The following EIF2B5 variants were observed in gnomAD, a reference collection of about 807,000 sequenced individuals.
EIF2B5 encodes eukaryotic translation initiation factor 2B subunit epsilon, also known as translation initiation factor eIF2B subunit epsilon.
In EIF2B5, 38 loss-of-function variants were observed where a neutral mutation model predicts 87.3. The observed-to-expected ratio is 0.44, with a 90% CI of 0.34 to 0.57. The LOEUF (loss-of-function observed/expected upper bound fraction) is 0.57. Ranked by LOEUF, EIF2B5 falls within the 20% of genes least tolerant of loss-of-function variation. The pLI, the probability that EIF2B5 is intolerant of heterozygous loss-of-function variation, is 0.02. For synonymous variants in EIF2B5, 313 were observed against 339.6 expected (o/e 0.92, Z 0.86); for missense variants, 784 against 909.5 (o/e 0.86, Z 1.78).
intron 1 of EIF2B5, 70 bp downstream of exon 1, chr3:184,135,650 G>T: frequency 6.5e-7 from 1 of 1,540,384 alleles, no homozygotes; most frequent in Non-Finnish European, 8.8e-7. Flanking sequence ...TCTCATTTCG[G>T]CTAACTACAA....
rs780144043 is a variant in EIF2B5 at position 184,142,577 on chromosome 3, A to G, written c.1520A>G (p.Glu507Gly). ...WKAAGMNMEEEEELQQNLWGL... is the reference protein window; with the variant it reads ...WKAAGMNMEEGEELQQNLWGL... ...GCTGCAGGCATGAACATGGAGGAAG[A>G]GGAGGAACTGCAGCAGAATCTGTGG... The change falls in exon 10 of 16, where the codon GAG becomes GGG. Residue 507 changes from glutamate to glycine, a missense_variant. Physicochemically the swap from Glu to Gly is moderately conservative, Grantham distance 98. This residue lies in a region of EIF2B5 where 660 missense variants were observed against 789.5 expected (regional missense o/e 0.84). Transcript: ENST00000648915. The surrounding 1 kb of genome is among the most constrained non-coding windows in gnomAD (Gnocchi z 5.0). The G allele has an allele frequency of 6.2e-7, 1 of 1,614,124 alleles. No individual in the cohort carries two copies.
intron 2 of EIF2B5, 47 bp downstream of exon 2, chr3:184,136,783 G>T (rs1463527153): frequency 6.2e-7 from 1 of 1,613,500 alleles, no homozygotes; most frequent in Non-Finnish European, 8.5e-7. Flanking sequence ...TCTTTTTCCA[G>T]TTTTTTCAGG....
At chr3:184,135,679 C>A (rs1028894458) in intron 1 of EIF2B5, 99 bp downstream of exon 1, 2 of 1,465,272 alleles carry the variant, frequency 1.4e-6, no homozygotes, top group Non-Finnish European at 9.3e-7. Flanking sequence ...CCTTGAAGGA[C>A]CTGCGTCTAT....
At position 184,142,256 on chromosome 3, in the gene EIF2B5, T is replaced by C. The variant is rs1333887156; in HGVS notation, c.1322T>C (p.Ile441Thr). The C allele has an allele frequency of 6.2e-7, 1 of 1,614,078 alleles. No homozygotes were observed. The highest frequency in any genetic ancestry group is 8.5e-7 in the Non-Finnish European group (1 of 1,180,012). Residue 441 changes from isoleucine to threonine, a missense_variant, in exon 9 of 16, where the codon ATC becomes ACC. Transcript: ENST00000648915. The surrounding 1 kb of genome is among the most constrained non-coding windows in gnomAD (Gnocchi z 5.0). Reference sequence around the variant, plus strand: ...CCTTAGGTGGTCGTGGGCCCAAATATCACGCTGCCTGAGGGCTCGGTGATC... The same window carrying C: ...CCTTAGGTGGTCGTGGGCCCAAATACCACGCTGCCTGAGGGCTCGGTGATC... ...LTSQVVVGPN[I>T]TLPEGSVISL...
intron 13 of EIF2B5, 186 bp from the exon 14 acceptor site, chr3:184,143,913 C>A: frequency 1.1e-6 from 1 of 929,616 alleles, no homozygotes; most frequent in Non-Finnish European, 1.7e-6. Flanking sequence ...GATCCCCTTT[C>A]ACCTTCCCTA....
intron 1 of EIF2B5, among the ~76,000 whole-genome samples, chr3:184,136,200 A>G (rs1162717911): frequency 6.6e-6 from 1 of 152,220 alleles, no homozygotes; most frequent in African/African-American, 2.4e-5. Flanking sequence ...AAAAAGCCTA[A>G]TGGCTGTTCA....
chr3:184,144,749 T>C lies in EIF2B5; in HGVS notation c.2106+42T>C, dbSNP rs1490942201. Reference sequence around the variant, plus strand: ...TCCTCTCGCCAAGATGGTTATCTCATTCCCAGGTCCTGGCCCCTAGACTCT... The same window carrying C: ...TCCTCTCGCCAAGATGGTTATCTCACTCCCAGGTCCTGGCCCCTAGACTCT... On this transcript the variant is annotated intron_variant, in intron 15 of 15. Transcript: ENST00000648915. 3 of 1,592,878 alleles carry C rather than the reference T, an allele frequency of 1.9e-6. No individual in the cohort carries two copies. In the African/African-American group the frequency reaches 4.0e-5, roughly 21 times the overall value.
Position 184,136,478 on chromosome 3 carries a change from T to A in EIF2B5, c.196-134T>A, listed in dbSNP as rs1036747871. ...GGCATGAACATCAAAGGCAGGAACC[T>A]GTTTATCTTTGAATTGGAAAGATAC... On this transcript the variant is annotated intron_variant, in intron 1 of 15. Coordinates refer to ENST00000648915, the MANE Select transcript of EIF2B5 (RefSeq NM_003907.3). The A allele has an allele frequency of 3.0e-5, 36 of 1,193,184 alleles. No individual in the cohort carries two copies. The African/African-American group carries it at 5.4e-4, about 18-fold the overall frequency. The allele number at this position is 1,193,184 out of a possible 1,614,324, so 73.9% of individuals were successfully genotyped here.
At position 184,140,332 on chromosome 3, in the gene EIF2B5, G is replaced by A. The variant is rs1713570159; in HGVS notation, c.844-86G>A. ...CTTTGTGGCAGTGAGAGGCAGAGGG[G>A]AACTTAAAAGGATTAGAAAAGTTGT... On this transcript the variant is annotated intron_variant, in intron 6 of 15. Coordinates refer to ENST00000648915, the MANE Select transcript of EIF2B5 (RefSeq NM_003907.3). 3 of 1,499,050 alleles carry A rather than the reference G, an allele frequency of 2.0e-6. No individual in the cohort carries two copies. The South Asian group carries it at 3.4e-5, about 17-fold the overall frequency. The allele number at this position is 1,499,050 out of a possible 1,614,324, so 92.9% of individuals were successfully genotyped here.
chr3:184,144,798 T>C (rs2109012344), intron 15 of EIF2B5, 86 bp from the exon 16 acceptor site: 1 of 1,583,286 alleles, frequency 6.3e-7, no homozygotes. Context: ...TCTGGGGCTC[T>C]GGTTGTTAGA....
chr3:184,135,567 A>G lies in EIF2B5; in HGVS notation c.182A>G (p.Lys61Arg), dbSNP rs550470093. 90 of 1,589,320 alleles carry G rather than the reference A, an allele frequency of 5.7e-5. No homozygotes were observed. In the East Asian group the frequency reaches 2.0e-3, roughly 36 times the overall value. Reference sequence around the variant, plus strand: ...GATCGCCGCTTCTTCCCCATCTCCAAGGACCAGCCTCGGGTGAGCGCCGCG... The same window carrying G: ...GATCGCCGCTTCTTCCCCATCTCCAGGGACCAGCCTCGGGTGAGCGCCGCG... ...SFDRRFFPISKDQPRVLLPLA... is the reference protein window; with the variant it reads ...SFDRRFFPISRDQPRVLLPLA... Residue 61 changes from lysine (K) to arginine (R), a missense_variant, in exon 1 of 16, where the codon AAG becomes AGG. Physicochemically the swap from Lys to Arg is conservative, Grantham distance 26. Coordinates refer to ENST00000648915, the MANE Select transcript of EIF2B5 (RefSeq NM_003907.3).
In EIF2B5 at chr3:184,143,122, C is replaced by T. The variant is rs1184835531; in HGVS notation, c.1725C>T (p.Val575=). 1.9e-6 allele frequency: 3 copies of T among 1,613,686 alleles called. No individual in the cohort carries two copies. The South Asian group carries it at 3.3e-5, about 18-fold the overall frequency. The change falls in exon 12 of 16, where the codon GTC becomes GTT. Residue 575 remains valine, a synonymous_variant. Coordinates refer to ENST00000648915, the MANE Select transcript of EIF2B5 (RefSeq NM_003907.3). ...AGAACATTTCTTGTGACAATCTCGT[C>T]CTGGAAATCAACTCTCTCAAGTAAG... ...KEENISCDNL[V]LEINSLKYAY...
At chr3:184,137,038 A>G (rs1245025064) in intron 2 of EIF2B5, 1 of 405,392 alleles carries the variant, frequency 2.5e-6, no homozygotes, top group African/African-American at 2.0e-5. Context: ...AGTTACAATG[A>G]TAACATCTTT....
At chr3:184,141,852 C>G in intron 7 of EIF2B5, 73 bp from the exon 8 acceptor site, 5 of 1,601,456 alleles carry the variant, frequency 3.1e-6, no homozygotes, top group Non-Finnish European at 4.3e-6. Flanking sequence ...TCAGTCAGCC[C>G]TGTCCTCTAT....
At position 184,144,093 on chromosome 3, in the gene EIF2B5, C is replaced by A. The variant is rs985811097; in HGVS notation, c.1870-6C>A. 6.2e-7 allele frequency: 1 copy of A among 1,614,228 alleles called. No homozygotes were observed. Among genetic ancestry groups the A allele is most frequent in the Non-Finnish European group, 8.5e-7 (1 of 1,180,044 alleles). On this transcript the variant is annotated splice_region_variant and splice_polypyrimidine_tract_variant and intron_variant, in intron 13 of 15. Coordinates refer to ENST00000648915, the MANE Select transcript of EIF2B5 (RefSeq NM_003907.3). The stretch of plus-strand genomic sequence containing the variant: ...ATATACTGCAGCTCCCTTCTTTCTT[C>A]CATAGCTGCTAAAGGCCTGGAGCCC...
At chr3:184,143,618 CAGG>C (rs1560110117) in intron 13 of EIF2B5, 53 bp downstream of exon 13, 1 of 1,613,138 alleles carries the variant, frequency 6.2e-7, no homozygotes, top group Non-Finnish European at 8.5e-7. Context: ...CAAAGGAAAT[CAGG>C]AGTAGACTGT....
intron 1 of EIF2B5, chr3:184,135,816 C>CTAAA: frequency 1.7e-6 from 1 of 604,620 alleles, no homozygotes; most frequent in Non-Finnish European, 2.9e-6. Context: ...ATGAAGAGAG[C>CTAAA]TAAATGTAGA....
chr3:184,141,774 G>T (rs78639172), intron 7 of EIF2B5, 151 bp from the exon 8 acceptor site: 95 of 901,108 alleles, frequency 1.1e-4, no homozygotes, highest in South Asian at 7.1e-5. Flanking sequence ...CTGGGCTTAG[G>T]GGGTGAGTGG....
intron 1 of EIF2B5, 87 bp downstream of exon 1, chr3:184,135,667 G>A: frequency 6.7e-7 from 1 of 1,502,452 alleles, no homozygotes; most frequent in Non-Finnish European, 9.1e-7. Flanking sequence ...ACAACAGCAT[G>A]CCCTTGAAGG....
Sources: allele counts gnomAD v4.1 joint callset (sites outside exome capture counted in the v4.1 genomes callset), GRCh38; gene constraint gnomAD v4.1.1; regional missense constraint gnomAD v4.1.1; non-coding constraint Gnocchi (gnomAD v3.1); transcripts MANE v1.5; gene names NCBI Gene and HGNC (gene_info 2026-07-23, HGNC 2026-07-21).